Variants in FBXO11 observed in about 807,000 individuals in gnomAD.
FBXO11 encodes the protein F-box protein 11.
FBXO11 carries 13 observed loss-of-function variants against 117.0 expected under a neutral mutation model. The ratio of observed to expected loss-of-function variants is 0.11; its 90% CI spans 0.07 to 0.18. FBXO11 has a LOEUF of 0.18. Among genes scored for constraint, FBXO11 ranks in the 10% least tolerant of loss-of-function variants. The pLI is 1.00. For missense variants in FBXO11, 767 were observed against 1,164.4 expected (o/e 0.66, Z 4.97); for synonymous variants, 490 against 380.5 (o/e 1.29, Z -3.35).
At chr2:47,828,834 G>C (rs1421816213) in intron 11 of FBXO11, among the ~76,000 whole-genome samples, 1 of 152,144 alleles carries the variant, frequency 6.6e-6, no homozygotes, top group African/African-American at 2.4e-5. Flanking sequence ...TTGTCCCCAA[G>C]TAACTAAAGG....
At chr2:47,862,889 T>C (rs1280187179) in intron 1 of FBXO11, among the ~76,000 whole-genome samples, 1 of 151,988 alleles carries the variant, frequency 6.6e-6, no homozygotes, top group Non-Finnish European at 1.5e-5. Flanking sequence ...ACCCCATCTC[T>C]ACTAAAAGTA....
At chr2:47,831,515 G>C (rs996050976) in intron 11 of FBXO11, among the ~76,000 whole-genome samples, 1 of 146,152 alleles carries the variant, frequency 6.8e-6, no homozygotes, top group East Asian at 2.1e-4. Flanking sequence ...GCTTAATATT[G>C]TATAATAGGC....
chr2:47,860,627 G>C (rs988678204), intron 1 of FBXO11, among the ~76,000 whole-genome samples: 3 of 151,034 alleles, frequency 2.0e-5, no homozygotes, highest in Non-Finnish European at 3.0e-5. Context: ...GGCTGGTCTC[G>C]AACTCCTGAA....
chr2:47,835,232 C>A (rs78490747), intron 5 of FBXO11, among the ~76,000 whole-genome samples: 1 of 152,088 alleles, frequency 6.6e-6, no homozygotes, highest in African/African-American at 2.4e-5. Context: ...CTCCCGACAT[C>A]GCCAAATGTC....
intron 11 of FBXO11, among the ~76,000 whole-genome samples, chr2:47,827,988 G>A (rs935542101): frequency 1.3e-5 from 2 of 151,884 alleles, no homozygotes; most frequent in Non-Finnish European, 2.9e-5. Context: ...TACCAAGCCC[G>A]GCTGAAAAAA....
At chr2:47,856,034 C>T (rs940088901) in intron 1 of FBXO11, among the ~76,000 whole-genome samples, 2 of 152,122 alleles carry the variant, frequency 1.3e-5, no homozygotes, top group African/African-American at 2.4e-5. Context: ...TCACTTGAGC[C>T]TAAGAGTTCG....
intron 1 of FBXO11, among the ~76,000 whole-genome samples, chr2:47,869,071 C>T (rs1411857041): frequency 1.3e-5 from 2 of 152,190 alleles, no homozygotes; most frequent in Admixed American, 6.5e-5. Flanking sequence ...CAAAGTTCTA[C>T]AGGAGACTGT....
chr2:47,859,477 C>T (rs1674586264), intron 1 of FBXO11, among the ~76,000 whole-genome samples: 1 of 152,130 alleles, frequency 6.6e-6, no homozygotes, highest in South Asian at 2.1e-4. Context: ...TTGGGAAAAA[C>T]TTGGCAAAGA....
chr2:47,840,983 G>T (rs1157122661), intron 1 of FBXO11, among the ~76,000 whole-genome samples: 1 of 152,126 alleles, frequency 6.6e-6, no homozygotes, highest in Non-Finnish European at 1.5e-5. Flanking sequence ...CGGATCACGA[G>T]GTCAGGAGAT....
At chr2:47,852,485 A>T (rs1245946065) in intron 1 of FBXO11, among the ~76,000 whole-genome samples, 1 of 152,208 alleles carries the variant, frequency 6.6e-6, no homozygotes, top group African/African-American at 2.4e-5. Flanking sequence ...TGTTCTACTG[A>T]CAGGCAGTTC....
intron 1 of FBXO11, among the ~76,000 whole-genome samples, chr2:47,855,684 C>A (rs1674235027): frequency 6.6e-6 from 1 of 151,952 alleles, no homozygotes; most frequent in Non-Finnish European, 1.5e-5. Context: ...AATACAAAAT[C>A]AGCCAGGCAT....
intron 1 of FBXO11, among the ~76,000 whole-genome samples, chr2:47,885,914 C>A (rs1676802358): frequency 6.6e-6 from 1 of 152,212 alleles, no homozygotes; most frequent in Admixed American, 6.6e-5. Flanking sequence ...AGTACCCCCA[C>A]TATCTCTGAA....
At chr2:47,810,456 C>G (rs753950145) in intron 18 of FBXO11, 30 bp from the exon 19 acceptor site, 6 of 1,421,466 alleles carry the variant, frequency 4.2e-6, no homozygotes, top group Non-Finnish European at 5.9e-6. Flanking sequence ...TAGATTAAGG[C>G]TAATGCATAT....
At chr2:47,869,267 A>C (rs996912865) in intron 1 of FBXO11, among the ~76,000 whole-genome samples, 1 of 152,180 alleles carries the variant, frequency 6.6e-6, no homozygotes, top group Non-Finnish European at 1.5e-5. Flanking sequence ...TTTTAGTTCT[A>C]GGCTTTTATC....
At chr2:47,900,610 ACG>A (rs1678060668) in intron 1 of FBXO11, among the ~76,000 whole-genome samples, 1 of 58,378 alleles carries the variant, frequency 1.7e-5, no homozygotes, top group South Asian at 4.0e-4. Flanking sequence ...ACGTATACAC[ACG>A]TATATACACA....
chr2:47,822,467 T>A (rs376202059), intron 12 of FBXO11, among the ~76,000 whole-genome samples, 164 bp from the exon 13 acceptor site: 1 of 152,230 alleles, frequency 6.6e-6, no homozygotes, highest in East Asian at 1.9e-4. Context: ...AAAGTCAGAC[T>A]ACTATTTGAA....
intron 1 of FBXO11, among the ~76,000 whole-genome samples, chr2:47,856,576 G>C (rs747240225): frequency 1.3e-5 from 2 of 152,162 alleles, no homozygotes; most frequent in South Asian, 2.1e-4. Flanking sequence ...ATGTAAAAAA[G>C]AATCCATCAA....
intron 11 of FBXO11, among the ~76,000 whole-genome samples, chr2:47,826,999 A>C (rs894910028): frequency 6.6e-6 from 1 of 152,248 alleles, no homozygotes; most frequent in Non-Finnish European, 1.5e-5. Context: ...TGCCCTGGTC[A>C]CAGGCATGCA....
chr2:47,866,399 A>G (rs912049223), intron 1 of FBXO11, among the ~76,000 whole-genome samples: 1 of 152,144 alleles, frequency 6.6e-6, no homozygotes, highest in African/African-American at 2.4e-5. Context: ...CAGGGTATCT[A>G]AAAGTTCTTC....
Sources: gnomAD v4.1 joint callset for allele counts (sites outside exome capture counted in the v4.1 genomes callset) on GRCh38, gnomAD v4.1.1 for gene constraint, MANE v1.5 for transcripts, NCBI Gene and HGNC (gene_info 2026-07-23, HGNC 2026-07-21) for gene names.